ST6GALNAC1: variants seen among roughly 807,000 people sequenced by gnomAD.
ST6GALNAC1 encodes the protein alpha-N-acetylgalactosaminide alpha-2,6-sialyltransferase 1.
ST6GALNAC1 carries 45 observed loss-of-function variants against 56.8 expected under a neutral mutation model. That is an observed-to-expected ratio of 0.79 (90% CI 0.62 to 1.02). ST6GALNAC1 has a LOEUF of 1.02. Among genes scored for constraint, ST6GALNAC1 ranks in the 50% least tolerant of loss-of-function variants. The probability of loss-of-function intolerance (pLI) is 0.00; values close to 1 mark genes in which losing one functional copy is unlikely to be tolerated. For missense variants in ST6GALNAC1, 743 were observed against 754.8 expected, an observed-to-expected ratio of 0.98 and a Z score of 0.18; for synonymous variants, 295 against 297.8, an observed-to-expected ratio of 0.99 and a Z score of 0.10.
Position 76,628,996 on chromosome 17 carries a change from G to A in ST6GALNAC1, c.831+16C>T. 1 of 1,520,780 alleles carries A rather than the reference G, an allele frequency of 6.6e-7. No individual in the cohort carries two copies. The highest frequency in any genetic ancestry group is 2.3e-5 in the East Asian group (1 of 44,114). The allele number at this position is 1,520,780 out of a possible 1,614,324, so 94.2% of individuals were successfully genotyped here. A position where few individuals can be genotyped will look rare whatever the true frequency, so the allele number is the denominator to read the frequency against. On this transcript the variant is annotated intron_variant, in intron 2 of 8. Transcript: ENST00000156626. ...GAGCTGGGAGCCAGAGGGAAGGCGT[G>A]GTGGCAAAAACTCACCGTCTGAAGG...
At chr17:76,619,095 G>A in the ST6GALNAC1 span, among the ~76,000 whole-genome samples, 1 of 152,184 alleles carries the variant, frequency 6.6e-6, no homozygotes, top group Admixed American at 6.5e-5. Context: ...GCCAGTGGGA[G>A]CGTCTTCAGG....
chr17:76,631,240 G>C (rs1318118421), intron 1 of ST6GALNAC1, among the ~76,000 whole-genome samples: 7 of 152,278 alleles, frequency 4.6e-5, no homozygotes, highest in Admixed American at 3.9e-4. Context: ...CACCGCGTCT[G>C]GCCTAAACAC....
At chr17:76,640,077 C>T (rs558845066) in intron 1 of ST6GALNAC1, among the ~76,000 whole-genome samples, 20 of 152,180 alleles carry the variant, frequency 1.3e-4, no homozygotes, top group African/African-American at 4.1e-4. Context: ...TGAGAATCCC[C>T]GCAGGAGGGT....
downstream of ST6GALNAC1, among the ~76,000 whole-genome samples, chr17:76,621,763 T>C (rs4789330): frequency 0.9 from 136,690 of 152,106 alleles, 61,971 homozygotes; most frequent in Non-Finnish European, 0.96. Context: ...GCGTGAGCCA[T>C]CACACCTGGC....
rs1420767425 is a variant in ST6GALNAC1, at chr17:76,627,671, C to G, written c.832-88G>C. Reference sequence around the variant, plus strand: ...CACCACTGCAGCAAGGGCTGGGGCTCGCAGTTTGGAAGGCGCGGCCTCTGC... The same window carrying G: ...CACCACTGCAGCAAGGGCTGGGGCTGGCAGTTTGGAAGGCGCGGCCTCTGC... On this transcript the variant is annotated intron_variant, in intron 2 of 8. Coordinates refer to ENST00000156626, the MANE Select transcript of ST6GALNAC1 (RefSeq NM_018414.5). This position sits in a 1 kb window ranked among gnomAD's most constrained non-coding sequence, Gnocchi z 4.4. 1 of 1,340,754 alleles carries G rather than the reference C, an allele frequency of 7.5e-7. No individual in the cohort carries two copies. Among genetic ancestry groups the G allele is most frequent in the East Asian group, 2.3e-5 (1 of 43,420 alleles). 83.1% of individuals were successfully genotyped at this position (1,340,754 alleles called of 1,614,324 possible). A position where few individuals can be genotyped will look rare whatever the true frequency, so the allele number is the denominator to read the frequency against.
chr17:76,642,669 G>A (rs555112902), intron 1 of ST6GALNAC1, among the ~76,000 whole-genome samples: 87 of 152,250 alleles, frequency 5.7e-4, no homozygotes, highest in African/African-American at 1.9e-3. Flanking sequence ...AGTGGCTCAC[G>A]CCTGTCATCC....
chr17:76,626,904 C>A, intron 4 of ST6GALNAC1, 115 bp from the exon 5 acceptor site: 1 of 1,502,540 alleles, frequency 6.7e-7, no homozygotes, highest in South Asian at 1.2e-5. Flanking sequence ...CGGAAATTCT[C>A]TCGAGAGCCC....
Position 76,625,278 on chromosome 17 carries a change from T to A in ST6GALNAC1, c.*52A>T. 1 of 1,581,140 alleles carries A rather than the reference T, an allele frequency of 6.3e-7. No individual in the cohort carries two copies. Among genetic ancestry groups the A allele is most frequent in the Non-Finnish European group, 8.6e-7 (1 of 1,160,816 alleles). On this transcript the variant is annotated 3_prime_UTR_variant, in exon 9 of 9. Transcript: ENST00000156626. ...GGCCAAAGAGTCTCAAGATTCCCAC[T>A]GTATCCTGTGCCTTGGAGCAGGCAA... is the stretch of plus-strand genomic sequence containing the variant.
chr17:76,628,920 C>T (rs2075849938), intron 2 of ST6GALNAC1, 92 bp downstream of exon 2: 6 of 1,178,998 alleles, frequency 5.1e-6, no homozygotes, highest in Non-Finnish European at 7.2e-6. Context: ...AGAAGCAGAG[C>T]CCAGGAGGTG....
At chr17:76,618,163 C>T in the ST6GALNAC1 span, among the ~76,000 whole-genome samples, 2 of 152,146 alleles carry the variant, frequency 1.3e-5, no homozygotes, top group Non-Finnish European at 2.9e-5. Flanking sequence ...AAAAGCAGGT[C>T]AGACAATAAG....
At chr17:76,639,575 G>A (rs1598309036) in intron 1 of ST6GALNAC1, among the ~76,000 whole-genome samples, 1 of 149,504 alleles carries the variant, frequency 6.7e-6, no homozygotes, top group African/African-American at 2.5e-5. Flanking sequence ...ACTCCATCTC[G>A]AAAAATAAAT....
intron 1 of ST6GALNAC1, among the ~76,000 whole-genome samples, chr17:76,637,016 G>A (rs374681235): frequency 0.032 from 4,735 of 148,762 alleles, 101 homozygotes; most frequent in Middle Eastern, 0.059. Flanking sequence ...ACTCAGGGTT[G>A]AATGGATTAA....
intron 2 of ST6GALNAC1, among the ~76,000 whole-genome samples, chr17:76,628,054 G>A (rs8065804): frequency 0.7 from 101,944 of 146,672 alleles, 36,117 homozygotes; most frequent in Non-Finnish European, 0.75. Context: ...CCGAGATTGC[G>A]CCACTGCACT....
chr17:76,626,691 A>G lies in ST6GALNAC1; in HGVS notation c.1271T>C (p.Ile424Thr). Residue 424 changes from isoleucine (I) to threonine (T), a missense_variant, in exon 5 of 9, where the codon ATA becomes ACA. Physicochemically the swap from Ile to Thr is moderately conservative, Grantham distance 89. Coordinates refer to ENST00000156626, the MANE Select transcript of ST6GALNAC1 (RefSeq NM_018414.5). The part of the protein sequence containing the change: ...TAFSLTQSLL[I>T]LGNRGFKNVP... ...GTTCTTGAAACCCCGATTGCCCAATATAAGGAGTGACTGGGTCAGGGAGAA... is the reference window on the plus strand; with the variant it reads ...GTTCTTGAAACCCCGATTGCCCAATGTAAGGAGTGACTGGGTCAGGGAGAA... 1.9e-6 allele frequency: 3 copies of G among 1,614,208 alleles called. No individual in the cohort carries two copies. The highest frequency in any genetic ancestry group is 4.5e-5 in the East Asian group (2 of 44,878).
intron 1 of ST6GALNAC1, among the ~76,000 whole-genome samples, chr17:76,636,887 G>C (rs1414215134): frequency 6.6e-6 from 1 of 152,188 alleles, no homozygotes; most frequent in African/African-American, 2.4e-5. Flanking sequence ...TGTGTAGAAA[G>C]AAGTAGACAT....
At chr17:76,626,214 C>A (rs1167747467) in intron 6 of ST6GALNAC1, 75 bp downstream of exon 6, 9 of 1,562,098 alleles carry the variant, frequency 5.8e-6, no homozygotes, top group Non-Finnish European at 7.9e-6. Flanking sequence ...GCTGTCCCCA[C>A]CTGTCCAACC....
chr17:76,642,683 C>T (rs575292435), intron 1 of ST6GALNAC1, among the ~76,000 whole-genome samples: 40 of 152,262 alleles, frequency 2.6e-4, no homozygotes, highest in African/African-American at 8.7e-4. Flanking sequence ...GTCATCCCAG[C>T]GCTTTGGGAG....
downstream of ST6GALNAC1, among the ~76,000 whole-genome samples, chr17:76,622,729 T>G (rs925265857): frequency 4.6e-5 from 7 of 152,310 alleles, no homozygotes; most frequent in African/African-American, 1.4e-4. Context: ...GAGTCCTAGT[T>G]AGAAATCTTT....
At chr17:76,638,274 T>C (rs995055926) in intron 1 of ST6GALNAC1, among the ~76,000 whole-genome samples, 2 of 151,806 alleles carry the variant, frequency 1.3e-5, no homozygotes, top group Non-Finnish European at 2.9e-5. Context: ...AGCAGAGACA[T>C]AGTCTTAGAT....
Sources: gnomAD v4.1 joint callset for allele counts (sites outside exome capture counted in the v4.1 genomes callset) on GRCh38, gnomAD v4.1.1 for gene constraint, Gnocchi (gnomAD v3.1) non-coding constraint, MANE v1.5 for transcripts, NCBI Gene and HGNC (gene_info 2026-07-23, HGNC 2026-07-21) for gene names.